The following NALF1 variants were observed in gnomAD, a reference collection of about 807,000 sequenced individuals.
The protein encoded by NALF1 is NALCN channel auxiliary factor 1.
In NALF1, 3 loss-of-function variants were observed where a neutral mutation model predicts 48.4. That is an observed-to-expected ratio of 0.06 (90% confidence interval 0.03 to 0.16). The LOEUF (loss-of-function observed/expected upper bound fraction) is 0.16. Among genes scored for constraint, NALF1 ranks in the 10% least tolerant of loss-of-function variants. The pLI, the probability that NALF1 is intolerant of heterozygous loss-of-function variation, is 1.00. For missense variants in NALF1, 526 were observed against 571.5 expected, an observed-to-expected ratio of 0.92 and a Z score of 0.81; for synonymous variants, 262 against 245.7, an observed-to-expected ratio of 1.07 and a Z score of -0.62.
At chr13:107,618,302 T>C (rs905295626) in intron 1 of NALF1, among the ~76,000 whole-genome samples, 3 of 152,134 alleles carry the variant, frequency 2.0e-5, no homozygotes, top group Non-Finnish European at 4.4e-5. Flanking sequence ...AAAGAAATTG[T>C]TATAAACTGG....
chr13:107,490,970 C>T (rs910603965), intron 1 of NALF1, among the ~76,000 whole-genome samples: 14 of 152,188 alleles, frequency 9.2e-5, no homozygotes, highest in African/African-American at 1.4e-4. Flanking sequence ...AAAATTAAGC[C>T]GTGTATCTTC....
chr13:107,283,547 G>C (rs1881429858), intron 1 of NALF1, among the ~76,000 whole-genome samples: 1 of 152,128 alleles, frequency 6.6e-6, no homozygotes, highest in Admixed American at 6.6e-5. Context: ...GGGCAGTTTT[G>C]AAGATGGCAT....
intron 1 of NALF1, among the ~76,000 whole-genome samples, chr13:107,233,596 G>T (rs1880274804): frequency 6.6e-6 from 1 of 152,108 alleles, no homozygotes; most frequent in African/African-American, 2.4e-5. Context: ...TTGCAGCCAA[G>T]ATTTTGGGGG....
At chr13:107,387,581 C>T (rs1171302212) in intron 1 of NALF1, among the ~76,000 whole-genome samples, 2 of 152,086 alleles carry the variant, frequency 1.3e-5, no homozygotes, top group African/African-American at 4.8e-5. Flanking sequence ...TGAACCCCCA[C>T]CTCCCAAAAA....
At chr13:107,397,873 C>T (rs1029945510) in intron 1 of NALF1, among the ~76,000 whole-genome samples, 2 of 152,020 alleles carry the variant, frequency 1.3e-5, no homozygotes, top group Non-Finnish European at 2.9e-5. Flanking sequence ...TAAAAATAAT[C>T]CAGGGATTGG....
Position 107,867,303 on chromosome 13 carries a change from C to T in NALF1, c.-707G>A, listed in dbSNP as rs1880770593. ...CACCCCCCACCCCGCGCTCTAAGTG[C>T]TGCCGCCGCCGCCGCCGCCGCCGCC... On this transcript the variant is annotated 5_prime_UTR_variant, in exon 1 of 3. Coordinates refer to ENST00000375915, the MANE Select transcript of NALF1 (RefSeq NM_001080396.3). This position sits in a 1 kb window ranked among gnomAD's most constrained non-coding sequence, Gnocchi z 4.4. 2.5e-5 allele frequency among the ~76,000 whole-genome samples: 1 copy of T among 40,774 alleles called. No homozygotes were observed. Among genetic ancestry groups the T allele is most frequent in the African/African-American group, 9.8e-5 (1 of 10,202 alleles). The allele number at this position is 40,774 out of a possible 152,430, so 26.7% of individuals were successfully genotyped here.
chr13:107,566,726 T>C (rs1205657799), intron 1 of NALF1, among the ~76,000 whole-genome samples: 1 of 152,220 alleles, frequency 6.6e-6, no homozygotes, highest in Non-Finnish European at 1.5e-5. Context: ...AATGATTTTG[T>C]CATATTTTTT....
intron 1 of NALF1, among the ~76,000 whole-genome samples, chr13:107,774,907 A>C (rs1421065180): frequency 4.6e-5 from 7 of 152,120 alleles, no homozygotes; most frequent in African/African-American, 1.7e-4. Flanking sequence ...TATTATGCAC[A>C]TGTGTCTTAG....
intron 1 of NALF1, among the ~76,000 whole-genome samples, chr13:107,277,883 C>T (rs1157131165): frequency 6.6e-6 from 1 of 152,218 alleles, no homozygotes; most frequent in Non-Finnish European, 1.5e-5. Flanking sequence ...TGGGTAAGTG[C>T]TTCACTTGTT....
At chr13:107,372,843 T>C (rs1883270444) in intron 1 of NALF1, among the ~76,000 whole-genome samples, 1 of 152,224 alleles carries the variant, frequency 6.6e-6, no homozygotes, top group African/African-American at 2.4e-5. Context: ...AAACACTCAT[T>C]TAGCTCAGCA....
At chr13:107,803,387 G>A (rs1039348613) in intron 1 of NALF1, among the ~76,000 whole-genome samples, 18 of 152,032 alleles carry the variant, frequency 1.2e-4, no homozygotes, top group African/African-American at 4.4e-4. Context: ...AGAGCCAACT[G>A]GCATCTTGCT....
rs942784865 is a variant in NALF1 at position 107,221,199 on chromosome 13, C to T, written c.916-10444G>A. Among the ~76,000 whole-genome samples, 6 of 151,984 alleles carry T rather than the reference C, an allele frequency of 3.9e-5. 1 individual carries two copies. Among genetic ancestry groups the T allele is most frequent in the Admixed American group, 1.3e-4 (2 of 15,250 alleles). ...GTACAATGTACACTACTCAGGTGAC[C>T]GGTGCACTAAAATCACAGACTTCAC... On this transcript the variant is annotated intron_variant, in intron 1 of 2. Coordinates refer to ENST00000375915, the MANE Select transcript of NALF1 (RefSeq NM_001080396.3).
chr13:107,716,653 G>C (rs943251606), intron 1 of NALF1, among the ~76,000 whole-genome samples: 1 of 152,164 alleles, frequency 6.6e-6, no homozygotes, highest in South Asian at 2.1e-4. Flanking sequence ...CTTAGCTGGA[G>C]ACAGGAGATG....
intron 1 of NALF1, among the ~76,000 whole-genome samples, chr13:107,800,762 T>G (rs1878589934): frequency 6.7e-6 from 1 of 148,182 alleles, no homozygotes; most frequent in Non-Finnish European, 1.5e-5. Flanking sequence ...TATAATACAG[T>G]GTATAATATA....
intron 1 of NALF1, among the ~76,000 whole-genome samples, chr13:107,239,851 C>G (rs529778408): frequency 6.9e-4 from 105 of 152,190 alleles, no homozygotes; most frequent in African/African-American, 2.3e-3. Context: ...AGCAGCACAG[C>G]CTTTGGGAAA....
intron 1 of NALF1, among the ~76,000 whole-genome samples, chr13:107,373,725 T>C (rs1238600064): frequency 1.3e-5 from 2 of 152,148 alleles, no homozygotes; most frequent in Non-Finnish European, 2.9e-5. Flanking sequence ...TCTTTTTCTT[T>C]TCTTTCTTTC....
At chr13:107,686,058 C>T (rs1881425707) in intron 1 of NALF1, among the ~76,000 whole-genome samples, 1 of 152,240 alleles carries the variant, frequency 6.6e-6, no homozygotes, top group Non-Finnish European at 1.5e-5. Context: ...GGTGGAGCAG[C>T]TGGGCCTCGA....
chr13:107,671,725 A>C (rs1880996233), intron 1 of NALF1, among the ~76,000 whole-genome samples: 1 of 152,174 alleles, frequency 6.6e-6, no homozygotes, highest in African/African-American at 2.4e-5. Context: ...CAGAAAACCC[A>C]CAAAAATAAA....
chr13:107,714,131 A>G (rs1485444512), intron 1 of NALF1, among the ~76,000 whole-genome samples: 3 of 152,228 alleles, frequency 2.0e-5, no homozygotes, highest in African/African-American at 7.2e-5. Flanking sequence ...AAAAACTTTC[A>G]CTTGTATGTT....
Sources: allele counts gnomAD v4.1 joint callset (sites outside exome capture counted in the v4.1 genomes callset), GRCh38; gene constraint gnomAD v4.1.1; non-coding constraint Gnocchi (gnomAD v3.1); transcripts MANE v1.5; gene names NCBI Gene and HGNC (gene_info 2026-07-23, HGNC 2026-07-21).